The following PLXNC1 variants were observed in gnomAD, a reference collection of about 807,000 sequenced individuals.
PLXNC1 encodes the protein plexin-C1.
A neutral mutation model predicts 178.2 loss-of-function variants in PLXNC1; 75 were observed. That is an observed-to-expected ratio of 0.42 (90% CI 0.35 to 0.51). PLXNC1 has a LOEUF of 0.51. Among genes scored for constraint, PLXNC1 ranks in the 20% least tolerant of loss-of-function variants. The pLI is 0.02. For missense variants in PLXNC1, 1,503 were observed against 1,984.4 expected (o/e 0.76, Z 4.61); for synonymous variants, 790 against 779.9 (o/e 1.01, Z -0.22).
chr12:94,192,923 T>C (rs559479608), intron 4 of PLXNC1, among the ~76,000 whole-genome samples: 1 of 152,106 alleles, frequency 6.6e-6, no homozygotes, highest in East Asian at 1.9e-4. Context: ...GATAAATGAA[T>C]AGAGTGTCAT....
intron 1 of PLXNC1, among the ~76,000 whole-genome samples, chr12:94,155,745 G>C (rs530857243): frequency 7.2e-5 from 11 of 152,156 alleles, no homozygotes; most frequent in Non-Finnish European, 1.5e-4. Context: ...AGATGTGGGG[G>C]GATGTCTAGA....
intron 14 of PLXNC1, 74 bp downstream of exon 14, chr12:94,248,486 A>G: frequency 8.9e-7 from 1 of 1,128,864 alleles, no homozygotes; most frequent in Non-Finnish European, 1.3e-6. Context: ...ACCAGAGGCC[A>G]GAATGGAATC....
At chr12:94,216,687 C>T (rs1348953173) in intron 5 of PLXNC1, among the ~76,000 whole-genome samples, 1 of 152,114 alleles carries the variant, frequency 6.6e-6, no homozygotes, top group South Asian at 2.1e-4. Flanking sequence ...ATGCTCTTGC[C>T]GTAGCATTTA....
intron 23 of PLXNC1, among the ~76,000 whole-genome samples, chr12:94,291,698 C>T (rs1298827530): frequency 6.6e-6 from 1 of 152,218 alleles, no homozygotes; most frequent in African/African-American, 2.4e-5. Flanking sequence ...TTATTTCCCC[C>T]AGCCCTGCTT....
At position 94,254,497 on chromosome 12, in the gene PLXNC1, T is replaced by C. The variant is rs375363078; in HGVS notation, c.2882-290T>C. On this transcript the variant is annotated intron_variant, in intron 15 of 30. Transcript: ENST00000258526. The stretch of plus-strand genomic sequence containing the variant: ...CGTTTCAGCCAACTGGGATCTTTGG[T>C]TACAAGTGAAGGTTATTTGATTTAG... 17 of 552,836 alleles carry C rather than the reference T, an allele frequency of 3.1e-5. 2 individuals carry two copies. The highest frequency in any genetic ancestry group is 1.3e-4 in the Admixed American group (6 of 45,052). The allele number at this position is 552,836 out of a possible 1,614,324, so 34.2% of individuals were successfully genotyped here. A position where few individuals can be genotyped will look rare whatever the true frequency, so the allele number is the denominator to read the frequency against.
At chr12:94,262,717 C>T in intron 20 of PLXNC1, 1 of 985,444 alleles carries the variant, frequency 1.0e-6, no homozygotes, top group Non-Finnish European at 1.2e-6. Context: ...TCCTCCTGTC[C>T]TACCCCACAG....
rs118073729 is a variant in PLXNC1, at chr12:94,167,062, A to G, written c.1063-2091A>G. On this transcript the variant is annotated intron_variant, in intron 1 of 30. Transcript: ENST00000258526. ...CCGGACTTACTTTGAAAAAAAAACT[A>G]CAATTGTTGAGGACAGCCAGAAATC... 9.7e-4 allele frequency among the ~76,000 whole-genome samples: 148 copies of G among 152,264 alleles called. No homozygotes were observed. In the East Asian group the frequency reaches 0.017, roughly 17 times the overall value.
intron 2 of PLXNC1, among the ~76,000 whole-genome samples, chr12:94,174,442 A>G (rs1032253475): frequency 1.3e-5 from 2 of 152,016 alleles, no homozygotes; most frequent in South Asian, 4.1e-4. Context: ...CCTTCCAAAG[A>G]GCTGGGATTA....
rs1296629366 is a variant in PLXNC1, at chr12:94,155,252, AGGCAGT to A, written c.1062+5222_1062+5227del. Among the ~76,000 whole-genome samples, 3 of 152,232 alleles carry A rather than the reference AGGCAGT, an allele frequency of 2.0e-5. No homozygotes were observed. The East Asian group carries it at 5.8e-4, about 29-fold the overall frequency. On this transcript the variant is annotated intron_variant, in intron 1 of 30. Transcript: ENST00000258526. ...ATGAGAGGAAAGGGCTTTATGCTGT[AGGCAGT>A]GGTCCTTAAAGTGTGGACTGTGGCC...
intron 4 of PLXNC1, among the ~76,000 whole-genome samples, chr12:94,195,532 A>C (rs1451190259): frequency 1.3e-5 from 2 of 152,094 alleles, no homozygotes; most frequent in African/African-American, 4.8e-5. Flanking sequence ...TTCGTGCTCC[A>C]CCCTGCACTG....
chr12:94,172,662 T>C (rs574805846), intron 2 of PLXNC1, among the ~76,000 whole-genome samples: 1 of 152,206 alleles, frequency 6.6e-6, no homozygotes, highest in Non-Finnish European at 1.5e-5. Context: ...TGAGGGAAAA[T>C]GCTTACATTA....
At chr12:94,198,663 C>G (rs755310735) in intron 4 of PLXNC1, among the ~76,000 whole-genome samples, 2 of 152,164 alleles carry the variant, frequency 1.3e-5, no homozygotes, top group Non-Finnish European at 2.9e-5. Context: ...AGCCGGGCTC[C>G]CTCTGGAGGC....
intron 2 of PLXNC1, among the ~76,000 whole-genome samples, chr12:94,171,020 T>C (rs573030025): frequency 1.1e-4 from 17 of 152,180 alleles, no homozygotes; most frequent in Admixed American, 2.6e-4. Flanking sequence ...TTTTGATGAG[T>C]GTTTTGACAA....
At chr12:94,264,362 A>G (rs139168412) in intron 20 of PLXNC1, among the ~76,000 whole-genome samples, 14 of 152,278 alleles carry the variant, frequency 9.2e-5, no homozygotes, top group African/African-American at 3.4e-4. Flanking sequence ...GAAAGAGCCA[A>G]TCGGGATGGG....
At position 94,149,241 on chromosome 12, in the gene PLXNC1, G is replaced by C; in HGVS notation, c.270G>C (p.Pro90=). The change falls in exon 1 of 31, where the codon CCG becomes CCC. Residue 90 remains proline (P), a synonymous_variant. Transcript: ENST00000258526. ...ACCAAGCGGGCAACTGCACAGAGCC[G>C]GTCTCGCTGGCGCCCCCCGCGCGGC... ...YRDQAGNCTE[P]VSLAPPARPR... 1.9e-6 allele frequency: 3 copies of C among 1,559,916 alleles called. No homozygotes were observed. Among genetic ancestry groups the C allele is most frequent in the Non-Finnish European group, 2.6e-6 (3 of 1,160,088 alleles).
chr12:94,153,280 C>G (rs1017092119), intron 1 of PLXNC1, among the ~76,000 whole-genome samples: 1 of 152,192 alleles, frequency 6.6e-6, no homozygotes, highest in Non-Finnish European at 1.5e-5. Flanking sequence ...CCTTGAAGGT[C>G]CCCTAATTAA....
Position 94,260,589 on chromosome 12 carries a change from G to A in PLXNC1, c.3252-53G>A, listed in dbSNP as rs2136081469. The A allele has an allele frequency of 7.3e-7, 1 of 1,368,514 alleles. No homozygotes were observed. The highest frequency in any genetic ancestry group is 1.0e-6 in the Non-Finnish European group (1 of 968,258). The allele number at this position is 1,368,514 out of a possible 1,614,324, so 84.8% of individuals were successfully genotyped here. A position where few individuals can be genotyped will look rare whatever the true frequency, so the allele number is the denominator to read the frequency against. Reference sequence around the variant, plus strand: ...GTGAGCTTCCATGGAAACTCCCATGGGTGTCCAGCTAGGCCTGCAGCCAAT... The same window carrying A: ...GTGAGCTTCCATGGAAACTCCCATGAGTGTCCAGCTAGGCCTGCAGCCAAT... On this transcript the variant is annotated intron_variant, in intron 19 of 30. Transcript: ENST00000258526. This position sits in a 1 kb window ranked among gnomAD's most constrained non-coding sequence, Gnocchi z 4.4.
At chr12:94,207,988 G>A (rs1963351045) in intron 4 of PLXNC1, among the ~76,000 whole-genome samples, 1 of 152,104 alleles carries the variant, frequency 6.6e-6, no homozygotes, top group Non-Finnish European at 1.5e-5. Context: ...GAGAGGCAGG[G>A]AGTTTTTGAC....
intron 28 of PLXNC1, among the ~76,000 whole-genome samples, chr12:94,302,751 TA>T (rs1968592586): frequency 6.6e-6 from 1 of 152,188 alleles, no homozygotes; most frequent in Non-Finnish European, 1.5e-5. Context: ...TTCTGTCAAC[TA>T]CTGCTGCTAA....
Sources: gnomAD v4.1 joint callset for allele counts (sites outside exome capture counted in the v4.1 genomes callset) on GRCh38, gnomAD v4.1.1 for gene constraint, Gnocchi (gnomAD v3.1) non-coding constraint, MANE v1.5 for transcripts, NCBI Gene and HGNC (gene_info 2026-07-23, HGNC 2026-07-21) for gene names.